The following CCDC9 variants were observed in gnomAD, a reference collection of about 807,000 sequenced individuals.
The protein encoded by CCDC9 is coiled-coil domain-containing protein 9.
A neutral mutation model predicts 65.6 loss-of-function variants in CCDC9; 52 were observed. The ratio of observed to expected loss-of-function variants is 0.79; its 90% CI spans 0.63 to 1.00. CCDC9 has a LOEUF of 1.00. Among genes scored for constraint, CCDC9 ranks in the 50% least tolerant of loss-of-function variants. CCDC9 has a pLI of 0.00. For missense variants in CCDC9, 834 were observed against 757.2 expected (o/e 1.10, Z -1.19); for synonymous variants, 332 against 280.3 (o/e 1.18, Z -1.84).
intron 3 of CCDC9, among the ~76,000 whole-genome samples, chr19:47,259,568 T>C (rs1428753630): frequency 6.6e-6 from 1 of 152,108 alleles, no homozygotes; most frequent in African/African-American, 2.4e-5. Context: ...ACAAGGCTGC[T>C]GAGTAGGTGA....
chr19:47,274,237 A>G (rs762073953), downstream of CCDC9, among the ~76,000 whole-genome samples: 1 of 149,892 alleles, frequency 6.7e-6, no homozygotes, highest in Non-Finnish European at 1.5e-5. Context: ...AGTGTGCTGG[A>G]GGAGGCGGGT....
At position 47,260,853 on chromosome 19, in the gene CCDC9, A is replaced by G. The variant is rs1331002733; in HGVS notation, c.462+14A>G. 6.2e-7 allele frequency: 1 copy of G among 1,600,398 alleles called. No homozygotes were observed. Among genetic ancestry groups the G allele is most frequent in the Non-Finnish European group, 8.5e-7 (1 of 1,175,502 alleles). ...CGTAAATCCAAGGTAGGAGCTAGGC[A>G]GCGCCTGGAGCCCTGGCTGAGGTTC... is the stretch of plus-strand genomic sequence containing the variant. On this transcript the variant is annotated intron_variant, in intron 5 of 11. Transcript: ENST00000221922.
downstream of CCDC9, chr19:47,272,012 T>C: frequency 5.7e-6 from 7 of 1,238,818 alleles, no homozygotes; most frequent in Non-Finnish European, 7.1e-6. Flanking sequence ...CCTTCTCTCT[T>C]GGGGTGGGGA....
chr19:47,264,080 C>T (rs1316886276), intron 5 of CCDC9, among the ~76,000 whole-genome samples: 2 of 151,948 alleles, frequency 1.3e-5, no homozygotes, highest in Non-Finnish European at 2.9e-5. Flanking sequence ...GGGGTTTCCC[C>T]ATGTTAGCCA....
Position 47,266,676 on chromosome 19 carries a change from G to A in CCDC9, c.786G>A (p.Ser262=), listed in dbSNP as rs1333471819. The A allele has an allele frequency of 8.7e-6, 14 of 1,605,960 alleles. No individual in the cohort carries two copies. Among genetic ancestry groups the A allele is most frequent in the East Asian group, 4.5e-5 (2 of 44,554 alleles). Reference sequence around the variant, plus strand: ...TGTCCATGACGGGCCGGGAGCGGTCGGAGTACCTGCGCTGGAAGCAGGAGA... The same window carrying A: ...TGTCCATGACGGGCCGGGAGCGGTCAGAGTACCTGCGCTGGAAGCAGGAGA... The part of the protein sequence containing the change: ...MTLSMTGRER[S]EYLRWKQERE... Residue 262 remains serine, a synonymous_variant, in exon 8 of 12, where the codon TCG becomes TCA. Transcript: ENST00000221922.
intron 5 of CCDC9, among the ~76,000 whole-genome samples, chr19:47,262,210 CTTT>C (rs60699350): frequency 3.4e-4 from 38 of 111,964 alleles, no homozygotes; most frequent in Middle Eastern, 4.8e-3. Flanking sequence ...CAGGTTCCTG[CTTT>C]TTTTTTTTTT....
chr19:47,270,959 C>A, intron 10 of CCDC9, 123 bp from the exon 11 acceptor site: 2 of 794,638 alleles, frequency 2.5e-6, no homozygotes, highest in East Asian at 2.7e-5. Flanking sequence ...ATCCGCCATT[C>A]CCTCAGCCCT....
At chr19:47,272,699 CAA>C (rs2059131390), downstream of CCDC9, among the ~76,000 whole-genome samples, 1 of 152,096 alleles carries the variant, frequency 6.6e-6, no homozygotes, top group Non-Finnish European at 1.5e-5. Flanking sequence ...TCGAAAAGGC[CAA>C]AGAGATGGGC....
chr19:47,270,577 C>G lies in CCDC9; in HGVS notation c.974C>G (p.Pro325Arg). 6.2e-7 allele frequency: 1 copy of G among 1,613,954 alleles called. No individual in the cohort carries two copies. The highest frequency in any genetic ancestry group is 8.5e-7 in the Non-Finnish European group (1 of 1,180,018). Residue 325 changes from proline to arginine, a missense_variant, in exon 10 of 12, where the codon CCG (proline) becomes CGG (arginine). Physicochemically the swap from Pro to Arg is moderately radical, Grantham distance 103. Coordinates refer to ENST00000221922, the MANE Select transcript of CCDC9 (RefSeq NM_015603.3). ...GATGACCAGGCCTGGGCCCGGCCCC[C>G]GAAGCCCCCTACTTTTGGGGAGTTC... ...RYDDQAWARPPKPPTFGEFLS... is the reference protein window; with the variant it reads ...RYDDQAWARPRKPPTFGEFLS...
downstream of CCDC9, chr19:47,275,037 G>A (rs1198500747): frequency 3.4e-6 from 5 of 1,489,894 alleles, no homozygotes; most frequent in African/African-American, 4.4e-5. Context: ...CTTCCTCTGC[G>A]TCTCGCTAGC....
chr19:47,263,589 G>A (rs1040171330), intron 5 of CCDC9, among the ~76,000 whole-genome samples: 2 of 152,112 alleles, frequency 1.3e-5, no homozygotes, highest in African/African-American at 4.8e-5. Context: ...TTTTGAGATG[G>A]AGTTTCACTC....
intron 5 of CCDC9, 95 bp downstream of exon 5, chr19:47,260,934 C>T (rs764246734): frequency 7.1e-7 from 1 of 1,406,732 alleles, no homozygotes. Flanking sequence ...TCCTGTGTGT[C>T]CATCTTTCAG....
chr19:47,267,034 G>A (rs1054575403), intron 8 of CCDC9, among the ~76,000 whole-genome samples: 1 of 149,678 alleles, frequency 6.7e-6, no homozygotes, highest in Non-Finnish European at 1.5e-5. Context: ...GCGTGATCTC[G>A]GCTCACCGCA....
intron 8 of CCDC9, 51 bp from the exon 9 acceptor site, chr19:47,270,356 C>T: frequency 6.3e-7 from 1 of 1,586,420 alleles, no homozygotes; most frequent in African/African-American, 1.3e-5. Context: ...TCTTGATCCT[C>T]TTGTTACCCT....
intron 8 of CCDC9, 121 bp downstream of exon 8, chr19:47,266,913 G>A: frequency 8.4e-7 from 1 of 1,195,216 alleles, no homozygotes; most frequent in Non-Finnish European, 1.2e-6. Context: ...CAAGTATCCT[G>A]AGATGCCATG....
chr19:47,270,426 C>T lies in CCDC9; in HGVS notation c.922C>T (p.Pro308Ser), dbSNP rs1568641250. ...CCCCAGGTTCAAGGATGGCCCAGTC[C>T]CTGCCCATGAACCATCCCACCGCTA... ...TDGMFKDGPVPAHEPSHRYDD... is the reference protein window; with the variant it reads ...TDGMFKDGPVSAHEPSHRYDD... The change falls in exon 9 of 12, where the codon CCT becomes TCT. Residue 308 changes from proline to serine, a missense_variant. Pro to Ser is a moderately conservative substitution (Grantham distance 74). Coordinates refer to ENST00000221922, the MANE Select transcript of CCDC9 (RefSeq NM_015603.3). The T allele has an allele frequency of 6.2e-7, 1 of 1,614,176 alleles. No homozygotes were observed. Among genetic ancestry groups the T allele is most frequent in the Non-Finnish European group, 8.5e-7 (1 of 1,180,024 alleles).
intron 4 of CCDC9, 68 bp from the exon 5 acceptor site, chr19:47,260,520 T>A: frequency 6.3e-7 from 1 of 1,586,852 alleles, no homozygotes; most frequent in Non-Finnish European, 8.6e-7. Flanking sequence ...CACCAGTGGG[T>A]GGCCTCCATC....
chr19:47,268,137 G>A (rs1037217672), intron 8 of CCDC9, among the ~76,000 whole-genome samples: 2 of 152,124 alleles, frequency 1.3e-5, no homozygotes, highest in South Asian at 2.1e-4. Context: ...GTGAGCCACC[G>A]CGCCCGGCAC....
At chr19:47,267,675 C>G (rs1021783196) in intron 8 of CCDC9, among the ~76,000 whole-genome samples, 1 of 152,198 alleles carries the variant, frequency 6.6e-6, no homozygotes. Context: ...GAAATAAGCT[C>G]TGCCCCCTCC....
Sources: gnomAD v4.1 joint callset for allele counts (sites outside exome capture counted in the v4.1 genomes callset) on GRCh38, gnomAD v4.1.1 for gene constraint, MANE v1.5 for transcripts, NCBI Gene and HGNC (gene_info 2026-07-23, HGNC 2026-07-21) for gene names.